SEMA3D: variants seen among roughly 807,000 people sequenced by gnomAD.
The protein encoded by SEMA3D is semaphorin-3D.
Under a neutral mutation model 100.1 loss-of-function variants are expected in SEMA3D, and 84 were observed. The ratio of observed to expected loss-of-function variants is 0.84; its 90% CI spans 0.70 to 1.01. SEMA3D has a LOEUF of 1.01. Ranked by LOEUF, SEMA3D falls within the 50% of genes least tolerant of loss-of-function variation. The pLI is 0.00. For missense variants in SEMA3D, 875 were observed against 934.1 expected (o/e 0.94, Z 0.82); for synonymous variants, 312 against 320.7 (o/e 0.97, Z 0.29).
intron 16 of SEMA3D, among the ~76,000 whole-genome samples, chr7:85,013,513 T>TA (rs889769744): frequency 5.9e-5 from 9 of 151,616 alleles, no homozygotes; most frequent in East Asian, 1.9e-4. Flanking sequence ...ATTATTTTAT[T>TA]AAAAAAAATC....
chr7:85,190,700 C>T (rs1192640978), upstream of SEMA3D, among the ~76,000 whole-genome samples: 3 of 152,070 alleles, frequency 2.0e-5, no homozygotes, highest in African/African-American at 7.2e-5. Flanking sequence ...ATACATAGAA[C>T]TCTCAGAAGT....
At chr7:85,147,849 C>T (rs1342607555) in intron 2 of SEMA3D, among the ~76,000 whole-genome samples, 1 of 152,070 alleles carries the variant, frequency 6.6e-6, no homozygotes, top group African/African-American at 2.4e-5. Flanking sequence ...TTCCTAACAG[C>T]CTAATTCATT....
At chr7:85,003,510 C>A (rs1039565609) in intron 18 of SEMA3D, among the ~76,000 whole-genome samples, 1 of 151,802 alleles carries the variant, frequency 6.6e-6, no homozygotes, top group African/African-American at 2.4e-5. Context: ...GGTGAGATAT[C>A]ACAGAGCCAT....
chr7:85,137,256 CAT>C (rs2116451034), intron 2 of SEMA3D, among the ~76,000 whole-genome samples: 1 of 151,314 alleles, frequency 6.6e-6, no homozygotes, highest in South Asian at 2.1e-4. Context: ...ACATAAAAGG[CAT>C]ATATGATGTG....
the SEMA3D span, among the ~76,000 whole-genome samples, chr7:85,194,543 A>G: frequency 4.6e-5 from 7 of 152,148 alleles, no homozygotes; most frequent in Non-Finnish European, 8.8e-5. Context: ...AAACTCAGTC[A>G]ATGATTTTTC....
rs192708756 is a variant in SEMA3D at position 85,098,388 on chromosome 7, T to C, written c.152-423A>G. 1.2e-4 allele frequency among the ~76,000 whole-genome samples: 19 copies of C among 152,012 alleles called. 2 individuals are homozygous for C. Among genetic ancestry groups the C allele is most frequent in the African/African-American group, 4.6e-4 (19 of 41,530 alleles). ...TTTTACAACCCTGTGTTCACATTCT[T>C]AAATTATCATTTAAAGCATCTATAT... On this transcript the variant is annotated intron_variant, in intron 3 of 18. Coordinates refer to ENST00000284136, the MANE Select transcript of SEMA3D (RefSeq NM_001384900.1).
intron 2 of SEMA3D, among the ~76,000 whole-genome samples, chr7:85,128,344 A>AT (rs1376988186): frequency 2.6e-5 from 4 of 151,220 alleles, no homozygotes; most frequent in Non-Finnish European, 4.4e-5. Context: ...AATTTTTTGT[A>AT]TTTTTTAGTA....
chr7:85,064,833 T>A (rs955082871), intron 8 of SEMA3D, among the ~76,000 whole-genome samples: 1 of 152,138 alleles, frequency 6.6e-6, no homozygotes, highest in African/African-American at 2.4e-5. Flanking sequence ...AATTTGAAAC[T>A]CAAAATATTG....
rs1376622973 is a variant in SEMA3D, at chr7:84,995,717, A to C, written c.*3723T>G. On this transcript the variant is annotated 3_prime_UTR_variant, in exon 19 of 19. Transcript: ENST00000284136. ...TAACCACTCACAATACCAGAATTAA[A>C]TTACATGATTAACTAGGGCATCTGA... 1 of 152,052 alleles carries C rather than the reference A, an allele frequency of 6.6e-6. No homozygotes were observed. Among genetic ancestry groups the C allele is most frequent in the Non-Finnish European group, 1.5e-5 (1 of 67,926 alleles). The allele number at this position is 152,052 out of a possible 1,614,324, so 9.4% of individuals were successfully genotyped here. A position where few individuals can be genotyped will look rare whatever the true frequency, so the allele number is the denominator to read the frequency against.
At chr7:85,015,907 G>A (rs1790087144) in intron 15 of SEMA3D, among the ~76,000 whole-genome samples, 1 of 151,514 alleles carries the variant, frequency 6.6e-6, no homozygotes. Flanking sequence ...GGAGGGGGAG[G>A]GGTGATACAA....
At chr7:85,156,855 T>C (rs905606112) in intron 1 of SEMA3D, among the ~76,000 whole-genome samples, 1 of 152,184 alleles carries the variant, frequency 6.6e-6, no homozygotes, top group Non-Finnish European at 1.5e-5. Context: ...AAATATCTTA[T>C]AGCCCACAGA....
At chr7:85,087,732 C>T (rs996843196) in intron 4 of SEMA3D, among the ~76,000 whole-genome samples, 2 of 152,188 alleles carry the variant, frequency 1.3e-5, no homozygotes, top group East Asian at 1.9e-4. Context: ...TTTACTGACC[C>T]ATATTAGTAT....
In SEMA3D at chr7:84,999,266, A is replaced by G; in HGVS notation, c.*174T>C. The G allele has an allele frequency of 3.4e-6, 2 of 580,726 alleles. No homozygotes were observed. Among genetic ancestry groups the G allele is most frequent in the Non-Finnish European group, 6.0e-6 (2 of 334,626 alleles). The allele number at this position is 580,726 out of a possible 1,614,324, so 36.0% of individuals were successfully genotyped here. A position where few individuals can be genotyped will look rare whatever the true frequency, so the allele number is the denominator to read the frequency against. On this transcript the variant is annotated 3_prime_UTR_variant, in exon 19 of 19. Coordinates refer to ENST00000284136, the MANE Select transcript of SEMA3D (RefSeq NM_001384900.1). ...AGATTTGTTCTTGGAAAACTGGTTC[A>G]AATGAATTTTTTGCCCTTTCTTATA... is the stretch of plus-strand genomic sequence containing the variant.
At chr7:85,089,450 T>TTTTA (rs80180238) in intron 4 of SEMA3D, among the ~76,000 whole-genome samples, 57,511 of 151,670 alleles carry the variant, frequency 0.38, 12,230 homozygotes, top group African/African-American at 0.58. Flanking sequence ...ATAAGTGCTA[T>TTTTA]TTTGTTTCCT....
intron 11 of SEMA3D, among the ~76,000 whole-genome samples, chr7:85,040,124 G>A (rs1015982997): frequency 6.6e-6 from 1 of 151,558 alleles, no homozygotes; most frequent in Non-Finnish European, 1.5e-5. Context: ...CTACAGGCAT[G>A]TGCCTCCATG....
rs531639773 is a variant in SEMA3D at position 85,160,818 on chromosome 7, A to G, written c.-172-7079T>C. On this transcript the variant is annotated intron_variant, in intron 1 of 18. Coordinates refer to ENST00000284136, the MANE Select transcript of SEMA3D (RefSeq NM_001384900.1). Reference sequence around the variant, plus strand: ...TGGATGAGCAACAAGTTGATAGACAAAGTACCTCTCTGCAAACCAGTAAAA... The same window carrying G: ...TGGATGAGCAACAAGTTGATAGACAGAGTACCTCTCTGCAAACCAGTAAAA... Among the ~76,000 whole-genome samples, 4 of 152,304 alleles carry G rather than the reference A, an allele frequency of 2.6e-5. No individual in the cohort carries two copies. The East Asian group carries it at 7.7e-4, about 29-fold the overall frequency.
At chr7:85,234,538 T>C in the SEMA3D span, among the ~76,000 whole-genome samples, 1 of 152,158 alleles carries the variant, frequency 6.6e-6, no homozygotes, top group Non-Finnish European at 1.5e-5. Context: ...CTGAGCCATC[T>C]CCACTAGCAG....
intron 9 of SEMA3D, among the ~76,000 whole-genome samples, chr7:85,054,965 C>T (rs1791266722): frequency 6.6e-6 from 1 of 152,046 alleles, no homozygotes; most frequent in Admixed American, 6.6e-5. Flanking sequence ...AAATGGAAGC[C>T]TCTCATAGAG....
At chr7:85,007,809 A>G (rs1789841208) in intron 17 of SEMA3D, among the ~76,000 whole-genome samples, 1 of 151,968 alleles carries the variant, frequency 6.6e-6, no homozygotes, top group Non-Finnish European at 1.5e-5. Context: ...ACTTAGCACT[A>G]TAGACATCAA....
Sources: gnomAD v4.1 joint callset for allele counts (sites outside exome capture counted in the v4.1 genomes callset) on GRCh38, gnomAD v4.1.1 for gene constraint, MANE v1.5 for transcripts, NCBI Gene and HGNC (gene_info 2026-07-23, HGNC 2026-07-21) for gene names.